SETX: variants seen among roughly 807,000 people sequenced by gnomAD.
The protein encoded by SETX is senataxin, also known as helicase senataxin.
A neutral mutation model predicts 227.2 loss-of-function variants in SETX; 90 were observed. The observed-to-expected ratio is 0.40, with a 90% CI of 0.33 to 0.47. The LOEUF (loss-of-function observed/expected upper bound fraction) is 0.47. Ranked by LOEUF, SETX falls within the 20% of genes least tolerant of loss-of-function variation. SETX has a pLI of 0.91. For missense variants in SETX, 3,052 were observed against 3,181.5 expected, an observed-to-expected ratio of 0.96 and a Z score of 0.98; for synonymous variants, 1,210 against 1,113.2, an observed-to-expected ratio of 1.09 and a Z score of -1.73.
intron 1 of SETX, among the ~76,000 whole-genome samples, chr9:132,354,491 G>A (rs1352850918): frequency 1.1e-5 from 1 of 92,690 alleles, no homozygotes; most frequent in African/African-American, 3.4e-5. Context: ...GCGAGACCCC[G>A]TCTCAAAAAA....
intron 6 of SETX, 52 bp from the exon 7 acceptor site, chr9:132,334,779 TG>T (rs776030275): frequency 2.3e-5 from 37 of 1,595,356 alleles, no homozygotes; most frequent in African/African-American, 4.0e-5. Flanking sequence ...ACTATACTAA[TG>T]CCTGGTTTAG....
At chr9:132,286,302 A>G (rs1589646579) in intron 18 of SETX, 121 bp downstream of exon 18, 1 of 726,114 alleles carries the variant, frequency 1.4e-6, no homozygotes, top group East Asian at 2.7e-5. Context: ...CCTGAGAGAC[A>G]GAGTGAGACT....
chr9:132,270,195 C>A (rs555180348), intron 24 of SETX, among the ~76,000 whole-genome samples: 1 of 149,560 alleles, frequency 6.7e-6, no homozygotes, highest in African/African-American at 2.5e-5. Flanking sequence ...AATGACTCAG[C>A]GTGCCCATGT....
chr9:132,353,527 C>G (rs572311822), intron 2 of SETX, 122 bp downstream of exon 2: 1 of 152,192 alleles, frequency 6.6e-6, no homozygotes, highest in African/African-American at 2.4e-5. Context: ...CTGTCCGACC[C>G]GTCCTCTCTT....
chr9:132,273,064 C>T (rs1842975132), intron 23 of SETX, among the ~76,000 whole-genome samples: 1 of 151,778 alleles, frequency 6.6e-6, no homozygotes, highest in Non-Finnish European at 1.5e-5. Context: ...AAGACCTTGT[C>T]TCTACTAAAA....
chr9:132,314,484 A>G (rs1375975080), intron 10 of SETX, among the ~76,000 whole-genome samples: 1 of 152,198 alleles, frequency 6.6e-6, no homozygotes, highest in East Asian at 1.9e-4. Flanking sequence ...TCGGCCTCCC[A>G]AAGTGCTGGG....
Position 132,319,468 on chromosome 9 carries a change from C to G in SETX, c.5274+6856G>C, listed in dbSNP as rs560631686. Among the ~76,000 whole-genome samples the G allele has an allele frequency of 7.4e-4, 112 of 152,342 alleles. 1 individual carries two copies. The highest frequency in any genetic ancestry group is 2.6e-3 in the African/African-American group (108 of 41,598). On this transcript the variant is annotated intron_variant, in intron 10 of 25. Coordinates refer to ENST00000224140, the MANE Select transcript of SETX (RefSeq NM_015046.7). ...CAACCTGCAGCTTACAGCGCTGTAT[C>G]TGGCTCTCATTTCTCCAATCTTATT...
chr9:132,301,154 G>A (rs930807838), intron 11 of SETX, among the ~76,000 whole-genome samples: 2 of 147,906 alleles, frequency 1.4e-5, no homozygotes, highest in African/African-American at 5.0e-5. Flanking sequence ...GTGCAGTGGC[G>A]CGATCTCGGG....
intron 1 of SETX, among the ~76,000 whole-genome samples, chr9:132,354,290 G>A (rs11243738): frequency 0.02 from 3,048 of 152,140 alleles, 102 homozygotes; most frequent in African/African-American, 0.069. Context: ...TGGAGCAGCT[G>A]AGCTCAGCCT....
chr9:132,347,772 T>C (rs939866559), intron 3 of SETX, among the ~76,000 whole-genome samples: 32 of 152,128 alleles, frequency 2.1e-4, no homozygotes, highest in African/African-American at 6.5e-4. Context: ...ACTACCTTAG[T>C]GCAGCTTGTG....
intron 2 of SETX, among the ~76,000 whole-genome samples, chr9:132,352,632 T>A (rs1282172782): frequency 6.6e-6 from 1 of 152,180 alleles, no homozygotes; most frequent in Admixed American, 6.5e-5. Context: ...GCACCTGTAG[T>A]CGCAGCTACT....
chr9:132,309,060 C>G (rs1225767882), intron 11 of SETX, among the ~76,000 whole-genome samples: 1 of 152,146 alleles, frequency 6.6e-6, no homozygotes, highest in African/African-American at 2.4e-5. Flanking sequence ...ATTGCTTGAA[C>G]CCGGGAAGCA....
Position 132,286,466 on chromosome 9 carries a change from T to G in SETX, c.6353A>C (p.Lys2118Thr), listed in dbSNP as rs746419247. 1 of 1,613,656 alleles carries G rather than the reference T, an allele frequency of 6.2e-7. No homozygotes were observed. Among genetic ancestry groups the G allele is most frequent in the Non-Finnish European group, 8.5e-7 (1 of 1,179,804 alleles). Reference sequence around the variant, plus strand: ...AAGTTCCTGCCTTTCCTTAGAAACTTTGGAAATGTTTTCATCTAATTCTTG... The same window carrying G: ...AAGTTCCTGCCTTTCCTTAGAAACTGTGGAAATGTTTTCATCTAATTCTTG... ...QRQELDENIS[K>T]VSKERQELAS... Residue 2118 changes from lysine (K) to threonine (T), a missense_variant, in exon 18 of 26, where the codon AAA becomes ACA. By Grantham distance (78) the Lys-to-Thr change is moderately conservative (BLOSUM62 -1). Transcript: ENST00000224140.
At chr9:132,349,488 G>C in intron 2 of SETX, 53 bp from the exon 3 acceptor site, 1 of 1,563,658 alleles carries the variant, frequency 6.4e-7, no homozygotes, top group South Asian at 1.1e-5. Context: ...GACCTACTGT[G>C]TGTCAAGAAT....
rs566190435 is a variant in SETX, at chr9:132,341,827, A to G, written c.498+863T>C. 8.7e-4 allele frequency among the ~76,000 whole-genome samples: 132 copies of G among 152,184 alleles called. 1 individual carries two copies. In the South Asian group the frequency reaches 9.1e-3, roughly 11 times the overall value. ...TCCTGCACAAGCTGAATCCCGAGCTACCCACCGCCACCCAGGCCAGGTTTC... is the reference window on the plus strand; with the variant it reads ...TCCTGCACAAGCTGAATCCCGAGCTGCCCACCGCCACCCAGGCCAGGTTTC... On this transcript the variant is annotated intron_variant, in intron 5 of 25. Transcript: ENST00000224140.
intron 19 of SETX, chr9:132,282,848 A>T (rs1171332552): frequency 4.5e-6 from 1 of 222,280 alleles, no homozygotes; most frequent in Non-Finnish European, 9.2e-6. Context: ...TTGTCTTCTG[A>T]CTCTACGTTC....
At chr9:132,301,231 C>T (rs996705411) in intron 11 of SETX, among the ~76,000 whole-genome samples, 24 of 151,230 alleles carry the variant, frequency 1.6e-4, no homozygotes, top group Admixed American at 2.6e-4. Flanking sequence ...TAGCTGGAGG[C>T]GCCCGCCACC....
rs375504048 is a variant in SETX, at chr9:132,325,152, T to C, written c.5274+1172A>G. Among the ~76,000 whole-genome samples the C allele has an allele frequency of 1.6e-3, 249 of 151,958 alleles. 1 individual carries two copies. The highest frequency in any genetic ancestry group is 3.3e-3 in the South Asian group (16 of 4,808). On this transcript the variant is annotated intron_variant, in intron 10 of 25. Transcript: ENST00000224140. The stretch of plus-strand genomic sequence containing the variant: ...CGGGCAGATCACAAGGTCAGGAGAT[T>C]GAGACCATCCTGGCTAACATGGTGA...
intron 20 of SETX, among the ~76,000 whole-genome samples, chr9:132,280,790 G>T (rs1392878550): frequency 6.6e-6 from 1 of 151,894 alleles, no homozygotes; most frequent in Non-Finnish European, 1.5e-5. Flanking sequence ...ACATCTACTG[G>T]ATCCTGATTC....
Sources: gnomAD v4.1 joint callset for allele counts (sites outside exome capture counted in the v4.1 genomes callset) on GRCh38, gnomAD v4.1.1 for gene constraint, MANE v1.5 for transcripts, NCBI Gene and HGNC (gene_info 2026-07-23, HGNC 2026-07-21) for gene names.